Variants in LRRTM4 observed in about 807,000 individuals in gnomAD.
LRRTM4 encodes the protein leucine rich repeat transmembrane neuronal 4.
LRRTM4 carries 25 observed loss-of-function variants against 47.6 expected under a neutral mutation model. That is an observed-to-expected ratio of 0.53 (90% CI 0.38 to 0.73). LRRTM4 has a LOEUF of 0.73. LRRTM4 is among the 30% of genes least tolerant of loss of function. The pLI is 0.00. For missense variants in LRRTM4, 638 were observed against 713.4 expected, an observed-to-expected ratio of 0.89 and a Z score of 1.20; for synonymous variants, 311 against 269.5, an observed-to-expected ratio of 1.15 and a Z score of -1.51.
intron 3 of LRRTM4, among the ~76,000 whole-genome samples, chr2:77,264,524 A>G (rs1676001345): frequency 6.6e-6 from 1 of 152,098 alleles, no homozygotes. Context: ...GGAGTACACA[A>G]ACTTCAGTCT....
At chr2:77,505,001 A>G (rs1678714489) in intron 3 of LRRTM4, among the ~76,000 whole-genome samples, 1 of 151,362 alleles carries the variant, frequency 6.6e-6, no homozygotes, top group South Asian at 2.1e-4. Flanking sequence ...CAATTTCTAT[A>G]TTATTTTAAT....
At chr2:76,937,239 T>TTTAGCCATAA (rs1226661586) in intron 3 of LRRTM4, among the ~76,000 whole-genome samples, 7 of 152,196 alleles carry the variant, frequency 4.6e-5, no homozygotes, top group African/African-American at 1.7e-4. Flanking sequence ...TAGCCATAAG[T>TTTAGCCATAA]AGGAGGCATA....
intron 3 of LRRTM4, among the ~76,000 whole-genome samples, chr2:77,056,357 T>TAG (rs1679609266): frequency 6.6e-6 from 1 of 152,148 alleles, no homozygotes; most frequent in Admixed American, 6.5e-5. Flanking sequence ...CTCAAAAGTA[T>TAG]AGCACCTCTA....
intron 3 of LRRTM4, among the ~76,000 whole-genome samples, chr2:77,253,539 A>T (rs892533889): frequency 7.6e-4 from 115 of 152,116 alleles, no homozygotes; most frequent in Non-Finnish European, 1.0e-3. Flanking sequence ...TTTAATTTTT[A>T]AAAAATACCT....
intron 3 of LRRTM4, among the ~76,000 whole-genome samples, chr2:76,874,643 T>C (rs551649352): frequency 3.3e-5 from 5 of 152,064 alleles, no homozygotes; most frequent in African/African-American, 1.2e-4. Flanking sequence ...ATTGATGTTA[T>C]TTCTAATGTT....
chr2:77,188,299 G>A (rs1673568645), intron 3 of LRRTM4, among the ~76,000 whole-genome samples: 1 of 152,138 alleles, frequency 6.6e-6, no homozygotes, highest in African/African-American at 2.4e-5. Flanking sequence ...CCTCTATGGG[G>A]AAAATGATGC....
At chr2:76,813,543 T>A (rs1391246454) in intron 3 of LRRTM4, among the ~76,000 whole-genome samples, 1 of 152,166 alleles carries the variant, frequency 6.6e-6, no homozygotes, top group Admixed American at 6.6e-5. Context: ...TTTAAAAATA[T>A]ATAATTTATG....
At chr2:77,163,570 C>G (rs1467979025) in intron 3 of LRRTM4, among the ~76,000 whole-genome samples, 1 of 152,062 alleles carries the variant, frequency 6.6e-6, no homozygotes, top group Non-Finnish European at 1.5e-5. Context: ...TAAGGGCAGC[C>G]AGAGAAAAAG....
chr2:77,391,160 T>C (rs1435100539), intron 3 of LRRTM4, among the ~76,000 whole-genome samples: 1 of 152,046 alleles, frequency 6.6e-6, no homozygotes, highest in African/African-American at 2.4e-5. Context: ...TGAAATCTAC[T>C]GCTTGAATAG....
intron 3 of LRRTM4, among the ~76,000 whole-genome samples, chr2:77,184,141 A>C (rs1301124021): frequency 6.6e-6 from 1 of 152,106 alleles, no homozygotes; most frequent in Non-Finnish European, 1.5e-5. Flanking sequence ...TATCTAGTAA[A>C]GTTCAGAAAA....
rs569485110 is a variant in LRRTM4 at position 77,223,025 on chromosome 2, C to A, written c.1551+295293G>T. On this transcript the variant is annotated intron_variant, in intron 3 of 3. Transcript: ENST00000409884. The stretch of plus-strand genomic sequence containing the variant: ...TTATCCACCATGATCAAGTGGGCTT[C>A]ATCTCTGGGATGCAAGGCTGGTTCA... Among the ~76,000 whole-genome samples, 20 of 152,208 alleles carry A rather than the reference C, an allele frequency of 1.3e-4. No homozygotes were observed. In the South Asian group the frequency reaches 3.1e-3, roughly 24 times the overall value.
At chr2:77,137,287 C>T (rs1430871820) in intron 3 of LRRTM4, among the ~76,000 whole-genome samples, 1 of 151,888 alleles carries the variant, frequency 6.6e-6, no homozygotes, top group Non-Finnish European at 1.5e-5. Flanking sequence ...TTGGCAGAAA[C>T]TCTACAAGCC....
rs148541424 is a variant in LRRTM4, at chr2:77,457,884, C to G, written c.1551+60434G>C. Among the ~76,000 whole-genome samples the G allele has an allele frequency of 5.3e-3, 810 of 152,220 alleles. 8 individuals carry two copies. The highest frequency in any genetic ancestry group is 0.019 in the African/African-American group (783 of 41,544). On this transcript the variant is annotated intron_variant, in intron 3 of 3. Transcript: ENST00000409884. Reference sequence around the variant, plus strand: ...AGGTCACTTTGTAAGAGATGCCTTCCTGGATCACCCTGCACTGCTGCCACA... The same window carrying G: ...AGGTCACTTTGTAAGAGATGCCTTCGTGGATCACCCTGCACTGCTGCCACA...
chr2:76,870,573 G>A (rs1054119439), intron 3 of LRRTM4, among the ~76,000 whole-genome samples: 1 of 152,066 alleles, frequency 6.6e-6, no homozygotes, highest in African/African-American at 2.4e-5. Context: ...TCTGTATAGT[G>A]TCTTGATTCT....
intron 3 of LRRTM4, among the ~76,000 whole-genome samples, chr2:77,506,817 G>C (rs1264857772): frequency 6.6e-6 from 1 of 151,822 alleles, no homozygotes; most frequent in African/African-American, 2.4e-5. Context: ...CAACAAAAAA[G>C]GGAGGCATAA....
chr2:77,518,238 T>A, intron 3 of LRRTM4, 80 bp downstream of exon 3: 2 of 1,425,358 alleles, frequency 1.4e-6, no homozygotes, highest in Non-Finnish European at 1.8e-6. Context: ...TTCTAGTGAT[T>A]AGAGACACCT....
At chr2:76,805,384 TTAAA>T (rs1675916865) in intron 3 of LRRTM4, among the ~76,000 whole-genome samples, 2 of 152,166 alleles carry the variant, frequency 1.3e-5, no homozygotes, top group Admixed American at 1.3e-4. Context: ...AAAAAACTAC[TTAAA>T]TAAACTATCA....
At chr2:76,806,226 C>G (rs750999972) in intron 3 of LRRTM4, among the ~76,000 whole-genome samples, 2 of 152,050 alleles carry the variant, frequency 1.3e-5, no homozygotes, top group African/African-American at 2.4e-5. Context: ...AAAAGTGGAA[C>G]CTACCTTAAA....
chr2:77,103,203 TA>T (rs1294789637), intron 3 of LRRTM4, among the ~76,000 whole-genome samples: 2 of 152,072 alleles, frequency 1.3e-5, no homozygotes, highest in East Asian at 3.9e-4. Context: ...GGCACTGCCA[TA>T]AGAAGCTGCT....
Sources: allele counts gnomAD v4.1 joint callset (sites outside exome capture counted in the v4.1 genomes callset), GRCh38; gene constraint gnomAD v4.1.1; transcripts MANE v1.5; gene names NCBI Gene and HGNC (gene_info 2026-07-23, HGNC 2026-07-21).